DCDC1: variants seen among roughly 807,000 people sequenced by gnomAD.
The protein encoded by DCDC1 is doublecortin domain containing 1.
A neutral mutation model predicts 178.3 loss-of-function variants in DCDC1; 200 were observed. The ratio of observed to expected loss-of-function variants is 1.12; its 90% CI spans 1.00 to 1.26. The LOEUF is 1.26. DCDC1 is among the 50% of genes most tolerant of loss of function. DCDC1 has a pLI of 0.00. For synonymous variants in DCDC1, 690 were observed against 604.8 expected (o/e 1.14, Z -2.07); for missense variants, 1,983 against 1,749.2 (o/e 1.13, Z -2.38).
At chr11:31,241,172 T>C (rs1331522064) in intron 9 of DCDC1, among the ~76,000 whole-genome samples, 2 of 152,002 alleles carry the variant, frequency 1.3e-5, no homozygotes, top group Non-Finnish European at 2.9e-5. Context: ...TAATTGTCTA[T>C]AGAATTTCCA....
chr11:31,306,422 T>C (rs774845784), intron 4 of DCDC1, 34 bp from the exon 5 acceptor site: 18 of 1,553,600 alleles, frequency 1.2e-5, no homozygotes, highest in Admixed American at 2.1e-5. Context: ...AATTGATGCA[T>C]GCTAATTAGT....
At chr11:31,297,539 G>A (rs959349951) in intron 6 of DCDC1, among the ~76,000 whole-genome samples, 1 of 151,952 alleles carries the variant, frequency 6.6e-6, no homozygotes, top group African/African-American at 2.4e-5. Context: ...TAGAGACGGG[G>A]TTTCACCTTA....
chr11:31,073,480 C>A (rs1471145746), intron 18 of DCDC1, among the ~76,000 whole-genome samples: 1 of 152,144 alleles, frequency 6.6e-6, no homozygotes, highest in African/African-American at 2.4e-5. Flanking sequence ...GAATTATGTT[C>A]TTGGGTAATA....
At chr11:30,904,060 A>G (rs1248125727) in intron 31 of DCDC1, 2 of 154,404 alleles carry the variant, frequency 1.3e-5, no homozygotes, top group Non-Finnish European at 2.9e-5. Flanking sequence ...AACCGCTTTA[A>G]AATAAGTAAG....
At position 30,881,198 on chromosome 11, in the gene DCDC1, G is replaced by C; in HGVS notation, c.5193C>G (p.Val1731=). The part of the protein sequence containing the change: ...QSWDDIERDM[V]ICVSMGHGFK... Reference sequence around the variant, plus strand: ...AACCATGTCCCATAGACACACAGATGACCATATCTCGCTCTATGTCGTCCC... The same window carrying C: ...AACCATGTCCCATAGACACACAGATCACCATATCTCGCTCTATGTCGTCCC... Residue 1731 remains valine (V), a synonymous_variant, in exon 37 of 39, where the codon GTC becomes GTG. Coordinates refer to ENST00000684477, the MANE Select transcript of DCDC1 (RefSeq NM_001387274.1). The C allele has an allele frequency of 6.2e-7, 1 of 1,613,524 alleles. No homozygotes were observed. Among genetic ancestry groups the C allele is most frequent in the South Asian group, 1.1e-5 (1 of 91,070 alleles).
At chr11:30,976,979 T>C (rs1167168303) in intron 20 of DCDC1, among the ~76,000 whole-genome samples, 1 of 152,090 alleles carries the variant, frequency 6.6e-6, no homozygotes, top group Non-Finnish European at 1.5e-5. Flanking sequence ...GGAGTATATA[T>C]AAAATGGAAT....
rs547862008 is a variant in DCDC1 at position 30,999,628 on chromosome 11, C to T, written c.2592-47060G>A. 2.0e-5 allele frequency among the ~76,000 whole-genome samples: 3 copies of T among 152,138 alleles called. No individual in the cohort carries two copies. In the South Asian group the frequency reaches 6.2e-4, roughly 32 times the overall value. ...CAGCTTCACCAAAAAGCATGATCCC[C>T]AGGAACTTAGGGATTCTTTGGATTC... On this transcript the variant is annotated intron_variant, in intron 20 of 38. Coordinates refer to ENST00000684477, the MANE Select transcript of DCDC1 (RefSeq NM_001387274.1).
At chr11:31,105,345 C>G (rs955288558) in intron 13 of DCDC1, among the ~76,000 whole-genome samples, 2 of 151,586 alleles carry the variant, frequency 1.3e-5, no homozygotes, top group African/African-American at 4.8e-5. Context: ...ATCCAATTAG[C>G]CAAAAACAAA....
intron 17 of DCDC1, among the ~76,000 whole-genome samples, chr11:31,081,606 A>G (rs1957177282): frequency 6.6e-6 from 1 of 151,880 alleles, no homozygotes; most frequent in South Asian, 2.1e-4. Context: ...GTGAAACTCC[A>G]TCTCAAAAAA....
intron 20 of DCDC1, among the ~76,000 whole-genome samples, chr11:30,957,287 C>T (rs1292854536): frequency 1.3e-5 from 2 of 152,112 alleles, no homozygotes; most frequent in Non-Finnish European, 2.9e-5. Context: ...CTAGTTATTG[C>T]CTTATTTCTG....
At chr11:31,355,432 T>A (rs1292977427) in intron 1 of DCDC1, among the ~76,000 whole-genome samples, 3 of 152,170 alleles carry the variant, frequency 2.0e-5, no homozygotes, top group African/African-American at 7.2e-5. Flanking sequence ...CCAGGAGACT[T>A]GTTGTTCCTC....
intron 7 of DCDC1, among the ~76,000 whole-genome samples, chr11:31,286,587 A>T (rs559668891): frequency 6.6e-6 from 1 of 152,160 alleles, no homozygotes; most frequent in East Asian, 1.9e-4. Flanking sequence ...AGAACCAGAA[A>T]GGTGGGAAGA....
intron 20 of DCDC1, among the ~76,000 whole-genome samples, chr11:30,978,385 A>G (rs1433663717): frequency 6.6e-6 from 1 of 152,248 alleles, no homozygotes; most frequent in African/African-American, 2.4e-5. Flanking sequence ...TTATATCCAC[A>G]AAGTCTAGCA....
rs376691941 is a variant in DCDC1, at chr11:31,300,335, T to C, written c.754+5280A>G. On this transcript the variant is annotated intron_variant, in intron 6 of 38. Coordinates refer to ENST00000684477, the MANE Select transcript of DCDC1 (RefSeq NM_001387274.1). ...GCCAGCTATTCTAGAAAGGTAAAAG[T>C]GGACACAAGGTTCTGACTAACTTCA... Among the ~76,000 whole-genome samples, 8 of 152,324 alleles carry C rather than the reference T, an allele frequency of 5.3e-5. No individual in the cohort carries two copies. The East Asian group carries it at 1.2e-3, about 22-fold the overall frequency.
chr11:31,042,984 T>C (rs1245892508), intron 20 of DCDC1, among the ~76,000 whole-genome samples: 1 of 152,206 alleles, frequency 6.6e-6, no homozygotes. Context: ...GACTTTGTAA[T>C]TGTGAGAACA....
intron 1 of DCDC1, among the ~76,000 whole-genome samples, chr11:31,343,920 AAAATAAAT>A (rs57107732): frequency 1.4e-4 from 21 of 149,384 alleles, no homozygotes; most frequent in Non-Finnish European, 2.1e-4. Flanking sequence ...ACTCCATCTC[AAAATAAAT>A]AAATAAATAA....
At chr11:30,867,819 A>C (rs1377952399) in intron 38 of DCDC1, among the ~76,000 whole-genome samples, 1 of 152,184 alleles carries the variant, frequency 6.6e-6, no homozygotes, top group Non-Finnish European at 1.5e-5. Flanking sequence ...AAAAAATAAA[A>C]TCATATCTTC....
At chr11:30,896,546 G>A (rs1944227819) in intron 34 of DCDC1, among the ~76,000 whole-genome samples, 1 of 152,140 alleles carries the variant, frequency 6.6e-6, no homozygotes, top group African/African-American at 2.4e-5. Flanking sequence ...TGTCTGCAAG[G>A]GTAAGCCCAC....
At chr11:31,358,831 A>C (rs895386446) in intron 1 of DCDC1, among the ~76,000 whole-genome samples, 17 of 152,230 alleles carry the variant, frequency 1.1e-4, no homozygotes, top group Non-Finnish European at 2.5e-4. Flanking sequence ...AACACATGAA[A>C]AATGCTCACC....
Sources: gnomAD v4.1 joint callset for allele counts (sites outside exome capture counted in the v4.1 genomes callset) on GRCh38, gnomAD v4.1.1 for gene constraint, MANE v1.5 for transcripts, NCBI Gene and HGNC (gene_info 2026-07-23, HGNC 2026-07-21) for gene names.